AGAP2: variants seen among roughly 807,000 people sequenced by gnomAD.
AGAP2 encodes the protein ArfGAP with GTPase domain, ankyrin repeat and PH domain 2, also known as arf-GAP with GTPase, ANK repeat and PH domain-containing protein 2.
Under a neutral mutation model 110.9 loss-of-function variants are expected in AGAP2, and 32 were observed. The ratio of observed to expected loss-of-function variants is 0.29; its 90% CI spans 0.22 to 0.39. The LOEUF (loss-of-function observed/expected upper bound fraction) is 0.39, where lower values mean the gene tolerates loss of function less well. Among genes scored for constraint, AGAP2 ranks in the 10% least tolerant of loss-of-function variants. The pLI, the probability that AGAP2 is intolerant of heterozygous loss-of-function variation, is 1.00. For missense variants in AGAP2, 1,285 were observed against 1,638.5 expected, an observed-to-expected ratio of 0.78 and a Z score of 3.72; for synonymous variants, 702 against 713.0, an observed-to-expected ratio of 0.98 and a Z score of 0.25.
chr12:57,732,958 G>A lies in AGAP2; in HGVS notation c.1571C>T (p.Pro524Leu). ...GGCACGAGCATCTCCCACCACCCGAGGGGAGGAAGCACTGATCCTGTCTGA... is the reference window on the plus strand; with the variant it reads ...GGCACGAGCATCTCCCACCACCCGAAGGGAGGAAGCACTGATCCTGTCTGA... ...GTQDRISASS[P>L]RVVGDARARA... Residue 524 changes from proline (P) to leucine (L), a missense_variant, in exon 6 of 19, where the codon CCT (proline) becomes CTT (leucine). Coordinates refer to ENST00000547588, the MANE Select transcript of AGAP2 (RefSeq NM_001122772.3). The A allele has an allele frequency of 6.2e-7, 1 of 1,614,004 alleles. No homozygotes were observed.
At chr12:57,732,608 G>T in intron 6 of AGAP2, 96 bp from the exon 7 acceptor site, 1 of 1,323,704 alleles carries the variant, frequency 7.6e-7, no homozygotes, top group South Asian at 1.3e-5. Context: ...GACAACACAG[G>T]ACCCAACTTC....
At chr12:57,734,797 TG>T (rs1954949887) in intron 2 of AGAP2, 118 bp from the exon 3 acceptor site, 1 of 847,694 alleles carries the variant, frequency 1.2e-6, no homozygotes, top group Admixed American at 2.0e-5. Flanking sequence ...CTACAGGGCC[TG>T]GATGACAGTC....
intron 7 of AGAP2, 51 bp downstream of exon 7, chr12:57,732,352 G>T (rs1438526994): frequency 1.3e-6 from 2 of 1,501,356 alleles, no homozygotes; most frequent in Admixed American, 2.0e-5. Flanking sequence ...AGGATCCCCA[G>T]CCCCTCTGCA....
Position 57,726,852 on chromosome 12 carries a change from C to T in AGAP2, c.3337-58G>A, listed in dbSNP as rs1422533352. Reference sequence around the variant, plus strand: ...TCCCCAGGGCGCCCACACCCGGCGCCGCCTCCCCCACATGGCCAAGCCTAC... The same window carrying T: ...TCCCCAGGGCGCCCACACCCGGCGCTGCCTCCCCCACATGGCCAAGCCTAC... On this transcript the variant is annotated intron_variant, in intron 18 of 18. Transcript: ENST00000547588. This position sits in a 1 kb window ranked among gnomAD's most constrained non-coding sequence, Gnocchi z 5.7. The T allele has an allele frequency of 6.3e-6, 9 of 1,436,948 alleles. No homozygotes were observed. Among genetic ancestry groups the T allele is most frequent in the Non-Finnish European group, 8.2e-6 (9 of 1,100,398 alleles). 89.0% of individuals were successfully genotyped at this position (1,436,948 alleles called of 1,614,324 possible).
In AGAP2 at chr12:57,737,447, G is replaced by T. The variant is rs1214350293; in HGVS notation, c.800C>A (p.Ser267Tyr). 2 of 1,613,334 alleles carry T rather than the reference G, an allele frequency of 1.2e-6. No homozygotes were observed. The highest frequency in any genetic ancestry group is 3.3e-5 in the Admixed American group (2 of 59,974). ...GAGAGARGKL[S>Y]PRKGKSKTLD... ...GGTCTTACTCTTGCCTTTCCGAGGG[G>T]ACAACTTCCCTCGGGCTCCAGCCCC... Residue 267 changes from serine (S) to tyrosine (Y), a missense_variant, in exon 1 of 19, where the codon TCC (serine) becomes TAC (tyrosine). By Grantham distance (144) the Ser-to-Tyr change is moderately radical. Coordinates refer to ENST00000547588, the MANE Select transcript of AGAP2 (RefSeq NM_001122772.3). The surrounding 1 kb of genome is among the most constrained non-coding windows in gnomAD (Gnocchi z 5.9).
Position 57,731,616 on chromosome 12 carries a change from T to C in AGAP2, c.1980A>G (p.Lys660=). Residue 660 remains lysine (K), a synonymous_variant, in exon 9 of 19, where the codon AAA becomes AAG. Coordinates refer to ENST00000547588, the MANE Select transcript of AGAP2 (RefSeq NM_001122772.3). ...FANRRGSDSE[K]RSLDSRGETT... ...TCTCTCCCCGACTATCCAAGCTTCG[T>C]TTCTCGGAGTCACTACCCCGACGAT... The C allele has an allele frequency of 6.2e-7, 1 of 1,614,148 alleles. No homozygotes were observed. The highest frequency in any genetic ancestry group is 8.5e-7 in the Non-Finnish European group (1 of 1,180,030).
chr12:57,728,946 C>A (rs1283688419), intron 13 of AGAP2, among the ~76,000 whole-genome samples: 1 of 151,938 alleles, frequency 6.6e-6, no homozygotes, highest in Non-Finnish European at 1.5e-5. Context: ...GAGGCCGAGG[C>A]GGGCAGATCA....
chr12:57,737,987 C>A lies in AGAP2; in HGVS notation c.260G>T (p.Gly87Val). 1 of 1,449,000 alleles carries A rather than the reference C, an allele frequency of 6.9e-7. No individual in the cohort carries two copies. Among genetic ancestry groups the A allele is most frequent in the South Asian group, 1.4e-5 (1 of 72,202 alleles). 89.8% of individuals were successfully genotyped at this position (1,449,000 alleles called of 1,614,324 possible). The change falls in exon 1 of 19, where the codon GGC becomes GTC. Residue 87 changes from glycine (G) to valine (V), a missense_variant. Gly to Val is a moderately radical substitution (Grantham distance 109, BLOSUM62 -3). This residue lies in a region of AGAP2 where 844 missense variants were observed against 941.2 expected (regional missense o/e 0.90). Transcript: ENST00000547588. The surrounding 1 kb of genome is among the most constrained non-coding windows in gnomAD (Gnocchi z 5.9). ...WISTSSAGTG[G>V]AEPPALSPAP... Reference sequence around the variant, plus strand: ...CGGGGACAGGGCTGGGGGCTCCGCGCCCCCGGTGCCCGCGCTGCTCGTGCT... The same window carrying A: ...CGGGGACAGGGCTGGGGGCTCCGCGACCCCGGTGCCCGCGCTGCTCGTGCT...
chr12:57,726,753 C>A lies in AGAP2; in HGVS notation c.3378G>T (p.Thr1126=). 2 of 1,327,948 alleles carry A rather than the reference C, an allele frequency of 1.5e-6. No individual in the cohort carries two copies. The highest frequency in any genetic ancestry group is 1.9e-6 in the Non-Finnish European group (2 of 1,042,568). 82.3% of individuals were successfully genotyped at this position (1,327,948 alleles called of 1,614,324 possible). ...DVAARDAQGR[T]ALFYARQAGS... ...CAGCCTGGCGGGCGTAGAACAGCGC[C>A]GTGCGGCCCTGGGCGTCACGGGCCG... The change falls in exon 19 of 19, where the codon ACG becomes ACT. Residue 1126 remains threonine (T), a synonymous_variant. Coordinates refer to ENST00000547588, the MANE Select transcript of AGAP2 (RefSeq NM_001122772.3). The surrounding 1 kb of genome is among the most constrained non-coding windows in gnomAD (Gnocchi z 5.7).
At position 57,738,339 on chromosome 12, in the gene AGAP2, C is replaced by A. The variant is rs1178394110; in HGVS notation, c.-93G>T. On this transcript the variant is annotated 5_prime_UTR_variant, in exon 1 of 19. Coordinates refer to ENST00000547588, the MANE Select transcript of AGAP2 (RefSeq NM_001122772.3). The surrounding 1 kb of genome is among the most constrained non-coding windows in gnomAD (Gnocchi z 6.7). ...CATGGGGCCGCCCTGCTCGCTGCCC[C>A]CAGCCCCCGGACCCCGCTGAGCCCC... 3 of 1,312,124 alleles carry A rather than the reference C, an allele frequency of 2.3e-6. No individual in the cohort carries two copies. Among genetic ancestry groups the A allele is most frequent in the East Asian group, 6.6e-5 (2 of 30,152 alleles). The allele number at this position is 1,312,124 out of a possible 1,614,324, so 81.3% of individuals were successfully genotyped here. A position where few individuals can be genotyped will look rare whatever the true frequency, so the allele number is the denominator to read the frequency against.
Position 57,727,576 on chromosome 12 carries a change from G to A in AGAP2, c.2864C>T (p.Thr955Met), listed in dbSNP as rs375810092. The A allele has an allele frequency of 5.0e-6, 8 of 1,604,570 alleles. No individual in the cohort carries two copies. Among genetic ancestry groups the A allele is most frequent in the South Asian group, 2.2e-5 (2 of 90,298 alleles). Reference protein sequence around the residue: ...ICVDCGAPNPTWASLNLGALI... With the variant: ...ICVDCGAPNPMWASLNLGALI... ...GGCGCCCAGGTTCAAGCTGGCCCACGTGGGGTCTGCGGAAGGAGCGTAGAG... is the reference window on the plus strand; with the variant it reads ...GGCGCCCAGGTTCAAGCTGGCCCACATGGGGTCTGCGGAAGGAGCGTAGAG... Residue 955 changes from threonine (T) to methionine (M), a missense_variant, in exon 17 of 19, where the codon ACG (threonine) becomes ATG (methionine). Thr to Met is a moderately conservative substitution (Grantham distance 81, BLOSUM62 -1). This residue lies in a region of AGAP2 where 39 missense variants were observed against 45.8 expected (regional missense o/e 0.85). Coordinates refer to ENST00000547588, the MANE Select transcript of AGAP2 (RefSeq NM_001122772.3).
chr12:57,732,566 C>G, intron 6 of AGAP2, 54 bp from the exon 7 acceptor site: 2 of 1,482,250 alleles, frequency 1.3e-6, no homozygotes, highest in Non-Finnish European at 1.8e-6. Flanking sequence ...CAAGACCACC[C>G]TTCCATGCCC....
chr12:57,728,214 G>A, intron 14 of AGAP2, 104 bp downstream of exon 14: 1 of 1,515,598 alleles, frequency 6.6e-7, no homozygotes, highest in Non-Finnish European at 9.0e-7. Flanking sequence ...GGAAAGCAGA[G>A]GGTGGGGGGC....
Position 57,738,020 on chromosome 12 carries a change from A to G in AGAP2, c.227T>C (p.Leu76Pro). Residue 76 changes from leucine to proline, a missense_variant, in exon 1 of 19, where the codon CTG (leucine) becomes CCG (proline). Leu to Pro is a moderately conservative substitution (Grantham distance 98). Around this residue, in one of 7 missense-constraint regions of AGAP2, gnomAD observed 844 missense variants for 941.2 expected, o/e 0.90. Transcript: ENST00000547588. The surrounding 1 kb of genome is among the most constrained non-coding windows in gnomAD (Gnocchi z 6.7). The part of the protein sequence containing the change: ...HERLFHRQDA[L>P]WISTSSAGTG... Reference sequence around the variant, plus strand: ...GCCCGCGCTGCTCGTGCTGATCCACAGCGCATCCTGCCGGTGGAAGAGACG... The same window carrying G: ...GCCCGCGCTGCTCGTGCTGATCCACGGCGCATCCTGCCGGTGGAAGAGACG... The G allele has an allele frequency of 2.0e-6, 3 of 1,514,972 alleles. No individual in the cohort carries two copies. Among genetic ancestry groups the G allele is most frequent in the South Asian group, 2.4e-5 (2 of 82,536 alleles). The allele number at this position is 1,514,972 out of a possible 1,614,324, so 93.8% of individuals were successfully genotyped here. A position where few individuals can be genotyped will look rare whatever the true frequency, so the allele number is the denominator to read the frequency against.
chr12:57,741,138 G>C (rs1374694920), upstream of AGAP2, among the ~76,000 whole-genome samples: 1 of 152,228 alleles, frequency 6.6e-6, no homozygotes, highest in Non-Finnish European at 1.5e-5. Flanking sequence ...GTAGGGCCTT[G>C]TGGATGGAGA....
In AGAP2 at chr12:57,738,386, G is replaced by T. The variant is rs907639600; in HGVS notation, c.-140C>A. On this transcript the variant is annotated 5_prime_UTR_variant, in exon 1 of 19. Coordinates refer to ENST00000547588, the MANE Select transcript of AGAP2 (RefSeq NM_001122772.3). This position sits in a 1 kb window ranked among gnomAD's most constrained non-coding sequence, Gnocchi z 6.7. ...CCCCCGGCCCGGCTCCGCTGTCGCC[G>T]CCGCCTCCGCCGCCTCCGCTTGCGC... is the stretch of plus-strand genomic sequence containing the variant. 2.9e-6 allele frequency: 3 copies of T among 1,035,108 alleles called. No homozygotes were observed. Among genetic ancestry groups the T allele is most frequent in the Non-Finnish European group, 3.7e-6 (3 of 818,090 alleles). 64.1% of individuals were successfully genotyped at this position (1,035,108 alleles called of 1,614,324 possible).
At chr12:57,741,310 G>A (rs1955074054), upstream of AGAP2, among the ~76,000 whole-genome samples, 1 of 152,166 alleles carries the variant, frequency 6.6e-6, no homozygotes, top group Admixed American at 6.5e-5. Context: ...GGGAAGACAG[G>A]AACAGGAGCA....
At chr12:57,739,352 A>C (rs1955049019), upstream of AGAP2, among the ~76,000 whole-genome samples, 1 of 152,094 alleles carries the variant, frequency 6.6e-6, no homozygotes, top group East Asian at 1.9e-4. Context: ...TCCCGTTCTC[A>C]TGACCCAGCT....
intron 12 of AGAP2, among the ~76,000 whole-genome samples, chr12:57,730,200 C>T (rs1360406846): frequency 6.6e-6 from 1 of 151,962 alleles, no homozygotes; most frequent in Non-Finnish European, 1.5e-5. Context: ...CTCAAAGCAA[C>T]CCTCTGAGGT....
Sources: allele counts gnomAD v4.1 joint callset (sites outside exome capture counted in the v4.1 genomes callset), GRCh38; gene constraint gnomAD v4.1.1; regional missense constraint gnomAD v4.1.1; non-coding constraint Gnocchi (gnomAD v3.1); transcripts MANE v1.5; gene names NCBI Gene and HGNC (gene_info 2026-07-23, HGNC 2026-07-21).